The following NEBL variants were observed in gnomAD, a reference collection of about 807,000 sequenced individuals.
The protein encoded by NEBL is nebulette, also known as LIM and SH3 protein 2.
NEBL carries 122 observed loss-of-function variants against 140.2 expected under a neutral mutation model. That is an observed-to-expected ratio of 0.87 (90% CI 0.75 to 1.01). The LOEUF is 1.01. NEBL is among the 50% of genes least tolerant of loss of function. The pLI is 0.00. For synonymous variants in NEBL, 436 were observed against 398.9 expected (o/e 1.09, Z -1.11); for missense variants, 1,365 against 1,231.3 (o/e 1.11, Z -1.62).
chr10:21,246,037 C>A (rs1842513509), intron 3 of NEBL, among the ~76,000 whole-genome samples: 1 of 152,218 alleles, frequency 6.6e-6, no homozygotes, highest in Non-Finnish European at 1.5e-5. Context: ...TGTGTCCCCA[C>A]ACAGAGCTAC....
chr10:20,796,451 C>A (rs1219251320), intron 26 of NEBL, among the ~76,000 whole-genome samples: 2 of 144,272 alleles, frequency 1.4e-5, no homozygotes, highest in African/African-American at 5.1e-5. Flanking sequence ...AAAAAACACA[C>A]AACATTAGTT....
intron 2 of NEBL, among the ~76,000 whole-genome samples, chr10:21,119,100 T>A (rs1838407208): frequency 6.6e-6 from 1 of 152,190 alleles, no homozygotes; most frequent in South Asian, 2.1e-4. Context: ...TTCTGGATGA[T>A]CTAAATCAAT....
intron 2 of NEBL, among the ~76,000 whole-genome samples, chr10:21,056,423 G>C (rs4025869): frequency 0.39 from 60,012 of 152,024 alleles, 11,931 homozygotes; most frequent in Middle Eastern, 0.47. Context: ...AAAAAAGATA[G>C]ACTGACTGTC....
In NEBL at chr10:21,161,314, G is replaced by C. The variant is rs915277426; in HGVS notation, c.164+11069C>G. Among the ~76,000 whole-genome samples the C allele has an allele frequency of 5.3e-5, 8 of 152,086 alleles. No individual in the cohort carries two copies. The East Asian group carries it at 1.5e-3, about 29-fold the overall frequency. On this transcript the variant is annotated intron_variant, in intron 2 of 6. Coordinates refer to the NEBL transcript ENST00000417816. ...CCCACAGTGCTGGGATTACAGTCTT[G>C]AGCCACCATACTCGTCCTCTATTCC...
chr10:21,031,281 AC>A (rs1823552251), intron 2 of NEBL, among the ~76,000 whole-genome samples: 1 of 152,188 alleles, frequency 6.6e-6, no homozygotes, highest in Admixed American at 6.5e-5. Context: ...GAAAGCTGCC[AC>A]CACAACTACC....
intron 2 of NEBL, among the ~76,000 whole-genome samples, chr10:21,079,279 C>G (rs1836257711): frequency 6.6e-6 from 1 of 152,128 alleles, no homozygotes; most frequent in Non-Finnish European, 1.5e-5. Context: ...GGTGAAGAGG[C>G]AGTAGTACCA....
rs760282483 is a variant in NEBL at position 20,808,571 on chromosome 10, G to A, written c.2700C>T (p.Ile900=). ...ATGAAAAGCTAGGGTAAATCTCGGA[G>A]ATTTCTGACCTGTCGTCTCCGAGAC... ...GTGLGDDRSE[I]SEIYPSFSCC... Residue 900 remains isoleucine, a synonymous_variant, in exon 26 of 28, where the codon ATC becomes ATT. Transcript: ENST00000377122. 1 of 1,613,850 alleles carries A rather than the reference G, an allele frequency of 6.2e-7. No individual in the cohort carries two copies. The highest frequency in any genetic ancestry group is 1.7e-5 in the Admixed American group (1 of 59,998).
intron 2 of NEBL, chr10:21,172,307 T>G: frequency 8.5e-7 from 1 of 1,180,218 alleles, no homozygotes; most frequent in Non-Finnish European, 1.3e-6. Context: ...GAGTCAGTTC[T>G]TCAAAACAGG....
intron 4 of NEBL, among the ~76,000 whole-genome samples, chr10:20,959,460 T>C (rs1835950853): frequency 6.6e-6 from 1 of 152,090 alleles, no homozygotes; most frequent in South Asian, 2.1e-4. Flanking sequence ...TAGATTAAAG[T>C]AATATGGAAA....
chr10:20,977,436 A>G (rs115379925), intron 3 of NEBL, among the ~76,000 whole-genome samples: 217 of 152,332 alleles, frequency 1.4e-3, no homozygotes, highest in African/African-American at 5.0e-3. Flanking sequence ...TTCTAGTTAT[A>G]GTACAAATAG....
intron 1 of NEBL, among the ~76,000 whole-genome samples, chr10:21,277,173 A>G (rs1842935770): frequency 6.6e-6 from 1 of 151,320 alleles, no homozygotes; most frequent in Non-Finnish European, 1.5e-5. Context: ...GCCTGCAGGT[A>G]TATAGTCTGG....
At chr10:21,043,926 A>G (rs73607581) in intron 2 of NEBL, among the ~76,000 whole-genome samples, 13,841 of 152,260 alleles carry the variant, frequency 0.091, 2,063 homozygotes, top group African/African-American at 0.31. Flanking sequence ...GAGAGATCCT[A>G]GTCTACAACT....
chr10:21,213,459 T>C (rs1841946774), intron 3 of NEBL, among the ~76,000 whole-genome samples: 1 of 152,182 alleles, frequency 6.6e-6, no homozygotes, highest in Non-Finnish European at 1.5e-5. Flanking sequence ...GTCTATAAAA[T>C]GCACTTTCAA....
At chr10:21,174,958 A>G (rs1216557105), upstream of NEBL, 1 of 152,188 alleles carries the variant, frequency 6.6e-6, no homozygotes, top group Non-Finnish European at 1.5e-5. Context: ...TTGTTTTGCA[A>G]TTCAACACCG....
chr10:20,785,605 TG>T lies in NEBL; in HGVS notation c.*141del. On this transcript the variant is annotated 3_prime_UTR_variant, in exon 28 of 28. Transcript: ENST00000377122. The stretch of plus-strand genomic sequence containing the variant: ...CAGCCCAGAGGTCATTCCTTCTTCC[TG>T]GTACCTGTGTGTCTAATTGTCAAAG... 1.0e-6 allele frequency: 1 copy of T among 965,892 alleles called. No homozygotes were observed. The highest frequency in any genetic ancestry group is 1.6e-6 in the Non-Finnish European group (1 of 632,716). 59.8% of individuals were successfully genotyped at this position (965,892 alleles called of 1,614,324 possible).
At chr10:20,961,177 T>C (rs1395999010) in intron 4 of NEBL, among the ~76,000 whole-genome samples, 1 of 152,140 alleles carries the variant, frequency 6.6e-6, no homozygotes, top group Non-Finnish European at 1.5e-5. Context: ...GAAACTATAT[T>C]AATAAACAAG....
intron 2 of NEBL, among the ~76,000 whole-genome samples, chr10:21,169,678 A>G (rs1483202126): frequency 1.3e-5 from 2 of 152,212 alleles, no homozygotes; most frequent in Non-Finnish European, 2.9e-5. Flanking sequence ...TAAATTTTAA[A>G]TATCAGCTGT....
At chr10:21,277,917 T>G (rs1272639583) in intron 1 of NEBL, among the ~76,000 whole-genome samples, 1 of 152,202 alleles carries the variant, frequency 6.6e-6, no homozygotes, top group Non-Finnish European at 1.5e-5. Context: ...TCTTCTTGTT[T>G]GTAAACTGGG....
chr10:21,252,280 T>C (rs1413037418), intron 1 of NEBL, among the ~76,000 whole-genome samples: 5 of 152,260 alleles, frequency 3.3e-5, no homozygotes, highest in African/African-American at 1.2e-4. Flanking sequence ...CAATTGTGTG[T>C]AATAACTCTA....
Sources: allele counts gnomAD v4.1 joint callset (sites outside exome capture counted in the v4.1 genomes callset), GRCh38; gene constraint gnomAD v4.1.1; transcripts MANE v1.5; gene names NCBI Gene and HGNC (gene_info 2026-07-23, HGNC 2026-07-21).